SLC9C1: variants seen among roughly 807,000 people sequenced by gnomAD.
The protein encoded by SLC9C1 is sodium/hydrogen exchanger 10.
SLC9C1 carries 97 observed loss-of-function variants against 140.9 expected under a neutral mutation model. The observed-to-expected ratio is 0.69, with a 90% CI of 0.58 to 0.82. SLC9C1 has a LOEUF of 0.82. Ranked by LOEUF, SLC9C1 falls within the 40% of genes least tolerant of loss-of-function variation. The probability of loss-of-function intolerance (pLI) is 0.00; values close to 1 mark genes in which losing one functional copy is unlikely to be tolerated. For synonymous variants in SLC9C1, 440 were observed against 442.6 expected, an observed-to-expected ratio of 0.99 and a Z score of 0.07; for missense variants, 1,340 against 1,389.3, an observed-to-expected ratio of 0.96 and a Z score of 0.56.
intron 11 of SLC9C1, among the ~76,000 whole-genome samples, chr3:112,240,472 G>T (rs559317935): frequency 2.0e-5 from 3 of 152,230 alleles, no homozygotes; most frequent in Non-Finnish European, 4.4e-5. Context: ...TAAATTGGTA[G>T]ACTGAGTAAA....
At chr3:112,181,320 T>C (rs2077435505) in intron 21 of SLC9C1, among the ~76,000 whole-genome samples, 1 of 152,224 alleles carries the variant, frequency 6.6e-6, no homozygotes, top group Non-Finnish European at 1.5e-5. Context: ...TGTAGGCTAA[T>C]GGCATGCATA....
chr3:112,172,329 T>C (rs1014420401), intron 23 of SLC9C1, among the ~76,000 whole-genome samples: 2 of 152,078 alleles, frequency 1.3e-5, no homozygotes, highest in African/African-American at 4.8e-5. Context: ...TGATTATTTT[T>C]GTAAAAAGAA....
At chr3:112,185,058 G>C (rs2077506512) in intron 20 of SLC9C1, among the ~76,000 whole-genome samples, 1 of 152,046 alleles carries the variant, frequency 6.6e-6, no homozygotes, top group Non-Finnish European at 1.5e-5. Context: ...ACCATGTCCA[G>C]CCTCCAGCAA....
intron 26 of SLC9C1, among the ~76,000 whole-genome samples, chr3:112,158,957 A>C (rs1285711526): frequency 6.6e-6 from 1 of 151,678 alleles, no homozygotes; most frequent in Non-Finnish European, 1.5e-5. Flanking sequence ...TTAAAAAAAA[A>C]TATTTTTGCC....
intron 28 of SLC9C1, chr3:112,151,338 T>C (rs2074972537): frequency 7.7e-6 from 4 of 519,028 alleles, no homozygotes; most frequent in Non-Finnish European, 1.5e-5. Context: ...TTATCCTCTC[T>C]TGTGAATATC....
In SLC9C1 at chr3:112,183,349, C is replaced by CTTTTTTTTTTTTTTTTTTTTTTTTT. The variant is rs200437815; in HGVS notation, c.2524-1092_2524-1091insAAAAAAAAAAAAAAAAAAAAAAAAA. ...ACGACAATGATATTTAGCACCTTTT[C>CTTTTTTTTTTTTTTTTTTTTTTTTT]TTTTTTTTTTTTTTTTTTTTTCAGC... On this transcript the variant is annotated intron_variant, in intron 20 of 28. Transcript: ENST00000305815. Among the ~76,000 whole-genome samples, 790 of 95,252 alleles carry CTTTTTTTTTTTTTTTTTTTTTTTTT rather than the reference C, an allele frequency of 8.3e-3. 114 individuals are homozygous for CTTTTTTTTTTTTTTTTTTTTTTTTT. The highest frequency in any genetic ancestry group is 0.013 in the African/African-American group (258 of 20,334). 62.5% of individuals were successfully genotyped at this position (95,252 alleles called of 152,430 possible).
chr3:112,145,057 G>A (rs539336699), intron 28 of SLC9C1, among the ~76,000 whole-genome samples: 7 of 152,268 alleles, frequency 4.6e-5, no homozygotes, highest in Non-Finnish European at 8.8e-5. Context: ...TGCCTATTCA[G>A]TATGATGTTG....
In SLC9C1 at chr3:112,200,735, TA is replaced by T; in HGVS notation, c.2349del (p.Asn783LysfsTer6). The stretch of plus-strand genomic sequence containing the variant: ...CCTAGCTCTTTTATAGCATGTTCCA[TA>T]TTCCTTATCACTTGCTTTAATAACA... ...KQMLLKQVIR[N>X]MEHAIKELGY... is the part of the protein sequence containing the mutation. On this transcript the variant is annotated frameshift_variant, in exon 19 of 29. Coordinates refer to ENST00000305815, the MANE Select transcript of SLC9C1 (RefSeq NM_183061.3). LOFTEE classifies it high-confidence loss of function. 1 of 1,609,808 alleles carries T rather than the reference TA, an allele frequency of 6.2e-7. No individual in the cohort carries two copies. Among genetic ancestry groups the T allele is most frequent in the Non-Finnish European group, 8.5e-7 (1 of 1,178,186 alleles).
At chr3:112,158,319 A>G (rs1015438103) in intron 26 of SLC9C1, among the ~76,000 whole-genome samples, 47 of 152,028 alleles carry the variant, frequency 3.1e-4, no homozygotes, top group African/African-American at 7.5e-4. Context: ...AATACATCAC[A>G]TTTATTGATT....
intron 1 of SLC9C1, among the ~76,000 whole-genome samples, chr3:112,292,001 G>A (rs745508008): frequency 1.1e-4 from 16 of 152,170 alleles, no homozygotes; most frequent in Non-Finnish European, 2.1e-4. Context: ...ACTATTCTTA[G>A]CAAACTAATG....
intron 13 of SLC9C1, among the ~76,000 whole-genome samples, chr3:112,225,980 AC>A (rs1300417227): frequency 6.6e-6 from 1 of 151,814 alleles, no homozygotes; most frequent in Admixed American, 6.6e-5. Flanking sequence ...GGTCTTTAAA[AC>A]CCCAGTCATA....
chr3:112,261,438 T>C (rs979929948), intron 10 of SLC9C1, among the ~76,000 whole-genome samples: 2 of 152,118 alleles, frequency 1.3e-5, no homozygotes, highest in African/African-American at 4.8e-5. Flanking sequence ...TAATTACCAA[T>C]ACTGTACAAT....
At chr3:112,280,661 A>AAT in intron 3 of SLC9C1, 22 bp downstream of exon 3, 1 of 1,563,288 alleles carries the variant, frequency 6.4e-7, no homozygotes, top group South Asian at 1.2e-5. Context: ...AATAGTGTAA[A>AAT]ATACTCATTT....
At chr3:112,211,903 G>C (rs1311006338) in intron 15 of SLC9C1, among the ~76,000 whole-genome samples, 1 of 152,226 alleles carries the variant, frequency 6.6e-6, no homozygotes, top group East Asian at 1.9e-4. Context: ...CGGACAGACT[G>C]CCTCCTCAAG....
At chr3:112,267,596 A>AAG (rs1469747745) in intron 7 of SLC9C1, among the ~76,000 whole-genome samples, 11 of 138,834 alleles carry the variant, frequency 7.9e-5, no homozygotes, top group African/African-American at 2.8e-4. Flanking sequence ...AAAAAAAAAA[A>AAG]AGAGAGAGAG....
chr3:112,161,765 G>T (rs1250876521), intron 26 of SLC9C1, among the ~76,000 whole-genome samples: 1 of 151,628 alleles, frequency 6.6e-6, no homozygotes, highest in Non-Finnish European at 1.5e-5. Flanking sequence ...CTCTTTTTTG[G>T]TTCCATATGA....
chr3:112,148,180 C>A (rs1313184446), intron 28 of SLC9C1, among the ~76,000 whole-genome samples: 3 of 151,978 alleles, frequency 2.0e-5, no homozygotes, highest in Non-Finnish European at 2.9e-5. Context: ...TTTAAGGTTT[C>A]TTTGTGTTGA....
At chr3:112,151,542 C>T in intron 28 of SLC9C1, 1 of 527,046 alleles carries the variant, frequency 1.9e-6, no homozygotes. Context: ...TTTATATCTT[C>T]CAACAGTACA....
At chr3:112,283,730 C>T (rs1343095693) in intron 2 of SLC9C1, among the ~76,000 whole-genome samples, 1 of 149,304 alleles carries the variant, frequency 6.7e-6, no homozygotes, top group African/African-American at 2.5e-5. Flanking sequence ...TTGGTTACCA[C>T]AGTTAAGTTA....
Sources: gnomAD v4.1 joint callset for allele counts (sites outside exome capture counted in the v4.1 genomes callset) on GRCh38, gnomAD v4.1.1 for gene constraint, MANE v1.5 for transcripts, NCBI Gene and HGNC (gene_info 2026-07-23, HGNC 2026-07-21) for gene names.